The following BTC variants were observed in gnomAD, a reference collection of about 807,000 sequenced individuals.
BTC encodes probetacellulin.
A neutral mutation model predicts 18.1 loss-of-function variants in BTC; 13 were observed. The observed-to-expected ratio is 0.72, with a 90% CI of 0.47 to 1.14. The LOEUF is 1.14. BTC is among the 50% of genes most tolerant of loss of function. The pLI is 0.00. For synonymous variants in BTC, 83 were observed against 79.4 expected (o/e 1.05, Z -0.24); for missense variants, 247 against 224.2 (o/e 1.10, Z -0.65).
intron 1 of BTC, among the ~76,000 whole-genome samples, chr4:74,784,371 A>T (rs572293843): frequency 6.6e-6 from 1 of 152,252 alleles, no homozygotes; most frequent in South Asian, 2.1e-4. Context: ...GGATCCTGTC[A>T]TCTGCAAACA....
At chr4:74,756,102 C>G (rs575102876) in intron 2 of BTC, 126 bp from the exon 3 acceptor site, 2 of 901,962 alleles carry the variant, frequency 2.2e-6, no homozygotes, top group Non-Finnish European at 3.6e-6. Flanking sequence ...TTTTCTTTCT[C>G]TCTGCACTGG....
intron 4 of BTC, among the ~76,000 whole-genome samples, chr4:74,749,152 G>A (rs986171319): frequency 6.6e-6 from 1 of 151,992 alleles, no homozygotes; most frequent in African/African-American, 2.4e-5. Flanking sequence ...TACTCTGGCC[G>A]GGCGCGGTGG....
chr4:74,751,936 C>G (rs1355148864), intron 3 of BTC, among the ~76,000 whole-genome samples: 1 of 152,076 alleles, frequency 6.6e-6, no homozygotes, highest in African/African-American at 2.4e-5. Flanking sequence ...ATTCAAAGGT[C>G]AAAAAGATTA....
intron 1 of BTC, among the ~76,000 whole-genome samples, chr4:74,778,909 G>A (rs1304692064): frequency 6.6e-6 from 1 of 152,068 alleles, no homozygotes; most frequent in African/African-American, 2.4e-5. Flanking sequence ...ACATCTCCTG[G>A]GGAACAATTT....
At chr4:74,783,942 C>G (rs905064121) in intron 1 of BTC, among the ~76,000 whole-genome samples, 2 of 151,852 alleles carry the variant, frequency 1.3e-5, no homozygotes, top group Admixed American at 6.6e-5. Context: ...TATAAGAATG[C>G]TAGGGATTAG....
intron 4 of BTC, 70 bp downstream of exon 4, chr4:74,750,503 G>C: frequency 6.8e-7 from 1 of 1,468,722 alleles, no homozygotes; most frequent in Non-Finnish European, 9.1e-7. Flanking sequence ...TAAAGAGGAA[G>C]AAAAGAAGAA....
chr4:74,771,218 G>A (rs1242962376), intron 1 of BTC, among the ~76,000 whole-genome samples: 2 of 152,018 alleles, frequency 1.3e-5, no homozygotes, highest in East Asian at 3.9e-4. Flanking sequence ...GATGGCTTAG[G>A]AATTAGCTGG....
At chr4:74,752,136 C>CA (rs1168492372) in intron 3 of BTC, among the ~76,000 whole-genome samples, 1 of 151,848 alleles carries the variant, frequency 6.6e-6, no homozygotes, top group Non-Finnish European at 1.5e-5. Flanking sequence ...AACAAATAAA[C>CA]AAAAAAACAA....
At position 74,754,487 on chromosome 4, in the gene BTC, G is replaced by A. The variant is rs567002035; in HGVS notation, c.281+1372C>T. On this transcript the variant is annotated intron_variant, in intron 3 of 5. Coordinates refer to ENST00000395743, the MANE Select transcript of BTC (RefSeq NM_001729.4). ...AACTCAGACCTGAGTGTATGCCTGA[G>A]AAGGAGGAAGTCAGTGAAGGGGTCC... 1.6e-4 allele frequency among the ~76,000 whole-genome samples: 25 copies of A among 152,284 alleles called. No homozygotes were observed. The South Asian group carries it at 2.3e-3, about 14-fold the overall frequency.
At chr4:74,761,009 C>T (rs1487207825) in intron 2 of BTC, among the ~76,000 whole-genome samples, 11 of 152,128 alleles carry the variant, frequency 7.2e-5, no homozygotes, top group Non-Finnish European at 1.6e-4. Flanking sequence ...GCTGGGATTA[C>T]AGGCGTGAGC....
At chr4:74,787,342 G>T (rs981676353) in intron 1 of BTC, among the ~76,000 whole-genome samples, 2 of 152,102 alleles carry the variant, frequency 1.3e-5, no homozygotes, top group Non-Finnish European at 2.9e-5. Context: ...ATAAATGAAA[G>T]CATTTCATGG....
chr4:74,759,849 C>T (rs1180789927), intron 2 of BTC, among the ~76,000 whole-genome samples: 1 of 151,996 alleles, frequency 6.6e-6, no homozygotes, highest in African/African-American at 2.4e-5. Context: ...TTGGGCTAAG[C>T]CAAAGTGGAG....
intron 2 of BTC, among the ~76,000 whole-genome samples, chr4:74,761,852 C>T (rs959493972): frequency 6.6e-6 from 1 of 152,150 alleles, no homozygotes; most frequent in Non-Finnish European, 1.5e-5. Context: ...AGTCTGCATA[C>T]AACAACCAGA....
At chr4:74,770,566 G>A (rs1229062444) in intron 1 of BTC, among the ~76,000 whole-genome samples, 1 of 152,114 alleles carries the variant, frequency 6.6e-6, no homozygotes. Context: ...GCGTTCTCAG[G>A]TGTTAACAAC....
intron 4 of BTC, 27 bp downstream of exon 4, chr4:74,750,546 C>G: frequency 6.3e-7 from 1 of 1,585,968 alleles, no homozygotes; most frequent in African/African-American, 1.4e-5. Context: ...CTCAGATTTA[C>G]TTAAAATTAA....
chr4:74,785,511 G>A (rs903807312), intron 1 of BTC, among the ~76,000 whole-genome samples: 15 of 152,210 alleles, frequency 9.9e-5, no homozygotes, highest in African/African-American at 2.4e-4. Context: ...TAGCTGAAAT[G>A]TTAGGTTGTT....
chr4:74,753,128 T>C (rs1413814687), intron 3 of BTC, among the ~76,000 whole-genome samples: 1 of 152,218 alleles, frequency 6.6e-6, no homozygotes, highest in Admixed American at 6.5e-5. Flanking sequence ...TAAGTTTTTT[T>C]ATTAAATGGT....
chr4:74,790,723 G>A (rs182142847), intron 1 of BTC, among the ~76,000 whole-genome samples: 24 of 152,286 alleles, frequency 1.6e-4, no homozygotes, highest in Non-Finnish European at 2.1e-4. Context: ...GAGTGACACA[G>A]GCCAGACACA....
chr4:74,745,110 G>C lies in BTC; in HGVS notation c.*1567C>G, dbSNP rs1553955219. ...AAAGGGCATGAATGAGCTTAAATGA[G>C]ACTTTTGAAAATAAGGCATATACAA... On this transcript the variant is annotated 3_prime_UTR_variant, in exon 6 of 6. Transcript: ENST00000395743. The C allele has an allele frequency of 6.6e-6, 1 of 152,162 alleles. No homozygotes were observed. The highest frequency in any genetic ancestry group is 1.5e-5 in the Non-Finnish European group (1 of 68,038). 9.4% of individuals were successfully genotyped at this position (152,162 alleles called of 1,614,324 possible).
Sources: gnomAD v4.1 joint callset for allele counts (sites outside exome capture counted in the v4.1 genomes callset) on GRCh38, gnomAD v4.1.1 for gene constraint, MANE v1.5 for transcripts, NCBI Gene and HGNC (gene_info 2026-07-23, HGNC 2026-07-21) for gene names.